Variants in ABCA9 observed in about 807,000 individuals in gnomAD.
The protein encoded by ABCA9 is ATP binding cassette subfamily A member 9, also known as ATP-binding cassette sub-family A member 9.
Under a neutral mutation model 205.3 loss-of-function variants are expected in ABCA9, and 183 were observed. The ratio of observed to expected loss-of-function variants is 0.89; its 90% CI spans 0.79 to 1.01. The LOEUF is 1.01. Ranked by LOEUF, ABCA9 falls within the 50% of genes least tolerant of loss-of-function variation. ABCA9 has a pLI of 0.00. For synonymous variants in ABCA9, 651 were observed against 683.3 expected, an observed-to-expected ratio of 0.95 and a Z score of 0.74; for missense variants, 1,805 against 1,912.4, an observed-to-expected ratio of 0.94 and a Z score of 1.05.
chr17:68,984,588 A>G (rs1157957281), intron 34 of ABCA9, among the ~76,000 whole-genome samples: 1 of 152,208 alleles, frequency 6.6e-6, no homozygotes, highest in Non-Finnish European at 1.5e-5. Context: ...TAGGAATTGT[A>G]TATCAGGTGA....
At chr17:68,988,955 CAT>C in intron 31 of ABCA9, 70 bp downstream of exon 31, 2 of 916,826 alleles carry the variant, frequency 2.2e-6, no homozygotes, top group Non-Finnish European at 3.5e-6. Flanking sequence ...GGATCAACTA[CAT>C]AGTCTATTAT....
At chr17:69,026,263 C>A (rs928948081) in intron 16 of ABCA9, 114 bp downstream of exon 16, 2 of 762,580 alleles carry the variant, frequency 2.6e-6, no homozygotes, top group Non-Finnish European at 2.2e-6. Flanking sequence ...TACCATAGCT[C>A]CCTTGAAATG....
chr17:69,036,491 G>T (rs1038933827), intron 6 of ABCA9, among the ~76,000 whole-genome samples: 1 of 152,030 alleles, frequency 6.6e-6, no homozygotes, highest in Non-Finnish European at 1.5e-5. Context: ...GAGGGATTTT[G>T]TCACCACCAG....
At chr17:69,017,479 C>T (rs1397348282) in intron 21 of ABCA9, among the ~76,000 whole-genome samples, 177 bp downstream of exon 21, 1 of 152,122 alleles carries the variant, frequency 6.6e-6, no homozygotes, top group Non-Finnish European at 1.5e-5. Context: ...AATTTCATTT[C>T]ATATTGCCAT....
chr17:69,009,804 C>T (rs989421050), intron 23 of ABCA9, among the ~76,000 whole-genome samples: 6 of 151,904 alleles, frequency 3.9e-5, no homozygotes, highest in Non-Finnish European at 7.4e-5. Flanking sequence ...AAGTATATTC[C>T]GTGACTTCAC....
chr17:69,054,283 A>T (rs2071999303), intron 1 of ABCA9, among the ~76,000 whole-genome samples: 1 of 152,186 alleles, frequency 6.6e-6, no homozygotes. Context: ...GCACTTTGGG[A>T]GGCTAAGGTA....
chr17:69,033,608 G>T lies in ABCA9; in HGVS notation c.1276+118C>A, dbSNP rs754897540. ...TAAACAAACTATAGAATATCATTAG[G>T]CTTGTTGTAGAAATTTTGAAAAACT... On this transcript the variant is annotated intron_variant, in intron 9 of 38. Coordinates refer to ENST00000340001, the MANE Select transcript of ABCA9 (RefSeq NM_080283.4). 39 of 808,676 alleles carry T rather than the reference G, an allele frequency of 4.8e-5. No individual in the cohort carries two copies. In the Admixed American group the frequency reaches 7.0e-4, roughly 15 times the overall value. The allele number at this position is 808,676 out of a possible 1,614,324, so 50.1% of individuals were successfully genotyped here. A position where few individuals can be genotyped will look rare whatever the true frequency, so the allele number is the denominator to read the frequency against.
rs999250056 is a variant in ABCA9 at position 69,020,477 on chromosome 17, A to G, written c.2511T>C (p.Ser837=). 5 of 1,614,090 alleles carry G rather than the reference A, an allele frequency of 3.1e-6. No homozygotes were observed. The highest frequency in any genetic ancestry group is 3.3e-5 in the Admixed American group (2 of 59,998). ...CCTGCTGCCTCCAGAGCGCCACGCC[A>G]CTGATTGTTTTCCTTGTTTCGTGGA... ...SSFHETRKTI[S]GVALWRQQVC... Residue 837 remains serine, a synonymous_variant, in exon 19 of 39, where the codon AGT becomes AGC. Coordinates refer to ENST00000340001, the MANE Select transcript of ABCA9 (RefSeq NM_080283.4).
At position 68,976,029 on chromosome 17, in the gene ABCA9, GAAAT is replaced by G. The variant is rs2068883272; in HGVS notation, c.4777-20_4777-17del. ...CCAGGAAAACCTAAAAGGAAGGAAA[GAAAT>G]AAAGAGAGGAGAACAATGCCATACT... On this transcript the variant is annotated splice_polypyrimidine_tract_variant and intron_variant, in intron 38 of 38. Transcript: ENST00000340001. The G allele has an allele frequency of 5.6e-6, 9 of 1,612,142 alleles. No homozygotes were observed. The highest frequency in any genetic ancestry group is 7.6e-6 in the Non-Finnish European group (9 of 1,178,626).
At chr17:69,018,303 T>TATA in intron 20 of ABCA9, 110 bp downstream of exon 20, 1 of 1,005,898 alleles carries the variant, frequency 9.9e-7, no homozygotes, top group Non-Finnish European at 1.4e-6. Context: ...GCCTCATATA[T>TATA]GCTTTCTAAA....
In ABCA9 at chr17:69,043,620, AG is replaced by A; in HGVS notation, c.668del (p.Thr223MetfsTer33). Reference protein sequence around the residue: ...LPFVAQGGVATDFFIFFCIIS... With the variant: ...LPFVAQGGVAXDFFIFFCIIS... Reference sequence around the variant, plus strand: ...TAATGCAAAAGAAAATGAAAAAATCAGTTGCAACTCCTCCTTGGGCAACAAA... The same window carrying A: ...TAATGCAAAAGAAAATGAAAAAATCATTGCAACTCCTCCTTGGGCAACAAA... On this transcript the variant is annotated frameshift_variant, in exon 6 of 39. Transcript: ENST00000340001. LOFTEE classifies it high-confidence loss of function. 6.2e-7 allele frequency: 1 copy of A among 1,613,756 alleles called. No individual in the cohort carries two copies. Among genetic ancestry groups the A allele is most frequent in the Non-Finnish European group, 8.5e-7 (1 of 1,179,812 alleles).
At chr17:69,038,773 A>G (rs1460371982) in intron 6 of ABCA9, among the ~76,000 whole-genome samples, 3 of 152,342 alleles carry the variant, frequency 2.0e-5, no homozygotes, top group Non-Finnish European at 2.9e-5. Flanking sequence ...AAGGAAGTCA[A>G]ATTGTCTCTG....
At position 69,021,765 on chromosome 17, in the gene ABCA9, C is replaced by A; in HGVS notation, c.2378G>T (p.Gly793Val). 6.3e-7 allele frequency: 1 copy of A among 1,585,744 alleles called. No individual in the cohort carries two copies. Among genetic ancestry groups the A allele is most frequent in the Non-Finnish European group, 8.6e-7 (1 of 1,165,110 alleles). The change falls in exon 18 of 39, where the codon GGA (glycine) becomes GTA (valine). Residue 793 changes from glycine (G) to valine (V), a missense_variant. Coordinates refer to ENST00000340001, the MANE Select transcript of ABCA9 (RefSeq NM_080283.4). ...ACCTGATTCATCAATAGTTGATTTT[C>A]CTTCTAATTTCAGAAACACCTCATT... ...TLNEVFLKLEGKSTIDESDIG... is the reference protein window; with the variant it reads ...TLNEVFLKLEVKSTIDESDIG...
At position 68,993,033 on chromosome 17, in the gene ABCA9, A is replaced by T; in HGVS notation, c.3607T>A (p.Tyr1203Asn). The T allele has an allele frequency of 6.2e-7, 1 of 1,613,558 alleles. No individual in the cohort carries two copies. The highest frequency in any genetic ancestry group is 8.5e-7 in the Non-Finnish European group (1 of 1,179,692). The change falls in exon 27 of 39, where the codon TAC (tyrosine) becomes AAC (asparagine). Residue 1203 changes from tyrosine to asparagine, a missense_variant. Physicochemically the swap from Tyr to Asn is moderately radical, Grantham distance 143 (BLOSUM62 -2). Coordinates refer to ENST00000340001, the MANE Select transcript of ABCA9 (RefSeq NM_080283.4). Reference protein sequence around the residue: ...YLGASESEIVYLALLIPYLHF... With the variant: ...YLGASESEIVNLALLIPYLHF... ...CTTCTTACTATTAGCAGTGCCAGGTATACAATTTCAGATTCTGAAGCTCCT... is the reference window on the plus strand; with the variant it reads ...CTTCTTACTATTAGCAGTGCCAGGTTTACAATTTCAGATTCTGAAGCTCCT...
chr17:69,062,379 T>C (rs2072279621), upstream of ABCA9, among the ~76,000 whole-genome samples: 1 of 152,066 alleles, frequency 6.6e-6, no homozygotes, highest in African/African-American at 2.4e-5. Context: ...TGACTTTCGG[T>C]TCTAAATTCT....
intron 37 of ABCA9, among the ~76,000 whole-genome samples, chr17:68,979,869 CA>C (rs1186489065): frequency 1.3e-5 from 2 of 152,128 alleles, no homozygotes; most frequent in Non-Finnish European, 1.5e-5. Flanking sequence ...AGGACACAGG[CA>C]GGGGCAAGGA....
chr17:69,021,448 A>G (rs1414253576), intron 18 of ABCA9, among the ~76,000 whole-genome samples: 2 of 152,066 alleles, frequency 1.3e-5, no homozygotes, highest in Admixed American at 6.6e-5. Flanking sequence ...TGTGAACTCT[A>G]ATTTTCTTTT....
At position 69,053,683 on chromosome 17, in the gene ABCA9, G is replaced by C. The variant is rs150744737; in HGVS notation, c.-13-2544C>G. On this transcript the variant is annotated intron_variant, in intron 1 of 38. Transcript: ENST00000340001. Reference sequence around the variant, plus strand: ...AGAAAAAACAGAGCAGAATATTTAAGAACTATGGGACAATTGAAAATGTGT... The same window carrying C: ...AGAAAAAACAGAGCAGAATATTTAACAACTATGGGACAATTGAAAATGTGT... 1.6e-4 allele frequency among the ~76,000 whole-genome samples: 25 copies of C among 152,096 alleles called. No individual in the cohort carries two copies. In the East Asian group the frequency reaches 4.2e-3, roughly 26 times the overall value.
intron 1 of ABCA9, among the ~76,000 whole-genome samples, chr17:69,055,885 A>G (rs28851500): frequency 0.064 from 9,729 of 152,228 alleles, 793 homozygotes; most frequent in African/African-American, 0.17. Context: ...TCCCAAATAC[A>G]TGGAGGTTAA....
Sources: allele counts gnomAD v4.1 joint callset (sites outside exome capture counted in the v4.1 genomes callset), GRCh38; gene constraint gnomAD v4.1.1; transcripts MANE v1.5; gene names NCBI Gene and HGNC (gene_info 2026-07-23, HGNC 2026-07-21).